The following SASH1 variants were observed in gnomAD, a reference collection of about 807,000 sequenced individuals.
SASH1 encodes the protein SAM and SH3 domain containing 1.
Under a neutral mutation model 125.2 loss-of-function variants are expected in SASH1, and 44 were observed. The observed-to-expected ratio is 0.35, with a 90% CI of 0.28 to 0.45. SASH1 has a LOEUF of 0.45. Among genes scored for constraint, SASH1 ranks in the 20% least tolerant of loss-of-function variants. SASH1 has a pLI of 1.00. For synonymous variants in SASH1, 639 were observed against 649.1 expected, an observed-to-expected ratio of 0.98 and a Z score of 0.24; for missense variants, 1,426 against 1,614.5, an observed-to-expected ratio of 0.88 and a Z score of 2.00.
At chr6:148,279,203 C>T (rs1779270194) in intron 1 of SASH1, among the ~76,000 whole-genome samples, 1 of 152,092 alleles carries the variant, frequency 6.6e-6, no homozygotes, top group Non-Finnish European at 1.5e-5. Context: ...GTTGCCCAGG[C>T]TGGTCTTGAA....
chr6:148,278,133 G>A (rs746757204), intron 1 of SASH1, among the ~76,000 whole-genome samples: 7 of 152,096 alleles, frequency 4.6e-5, no homozygotes, highest in East Asian at 1.9e-4. Context: ...TCTGCCTCCC[G>A]GGTTCAAGCG....
At chr6:148,451,547 T>C (rs1022545) in intron 4 of SASH1, among the ~76,000 whole-genome samples, 115,450 of 151,916 alleles carry the variant, frequency 0.76, 43,987 homozygotes, top group East Asian at 0.84. Flanking sequence ...CCTGTAGTCC[T>C]AGCTACTCGG....
chr6:148,274,847 C>G (rs946132299), intron 1 of SASH1, among the ~76,000 whole-genome samples: 1 of 152,172 alleles, frequency 6.6e-6, no homozygotes, highest in Non-Finnish European at 1.5e-5. Context: ...CAAAGAAAAT[C>G]CAGATCCAAA....
chr6:148,400,452 A>G (rs1221575826), intron 2 of SASH1, among the ~76,000 whole-genome samples: 1 of 152,240 alleles, frequency 6.6e-6, no homozygotes, highest in Non-Finnish European at 1.5e-5. Context: ...CTAACAGTAG[A>G]GAGAACTGAG....
At chr6:148,347,556 G>A (rs917088349) in intron 1 of SASH1, among the ~76,000 whole-genome samples, 2 of 152,182 alleles carry the variant, frequency 1.3e-5, no homozygotes, top group African/African-American at 2.4e-5. Flanking sequence ...TTTAGGCCCA[G>A]TGTGGGGCGG....
chr6:148,229,249 T>G, the SASH1 span, among the ~76,000 whole-genome samples: 1 of 151,682 alleles, frequency 6.6e-6, no homozygotes, highest in South Asian at 2.1e-4. Flanking sequence ...TTCAAGAAAT[T>G]TCTGCCCAAG....
At chr6:148,261,341 T>C in the SASH1 span, among the ~76,000 whole-genome samples, 2 of 152,186 alleles carry the variant, frequency 1.3e-5, no homozygotes, top group African/African-American at 4.8e-5. Flanking sequence ...CTTTCTATCA[T>C]CTGCTGGGTC....
At chr6:148,379,821 C>T (rs1220199397) in intron 1 of SASH1, 1 of 421,080 alleles carries the variant, frequency 2.4e-6, no homozygotes, top group Non-Finnish European at 4.9e-6. Flanking sequence ...TGGGAAATTT[C>T]AGATGTATAC....
chr6:148,365,911 G>T (rs1782430656), intron 1 of SASH1, among the ~76,000 whole-genome samples: 1 of 152,170 alleles, frequency 6.6e-6, no homozygotes, highest in Non-Finnish European at 1.5e-5. Flanking sequence ...TCAGGAGTTT[G>T]AGACCAGCCT....
intron 8 of SASH1, among the ~76,000 whole-genome samples, chr6:148,489,296 T>C (rs1236699943): frequency 6.6e-6 from 1 of 152,202 alleles, no homozygotes; most frequent in Non-Finnish European, 1.5e-5. Flanking sequence ...ATGATGTATT[T>C]CTGGGCTCTC....
the SASH1 span, among the ~76,000 whole-genome samples, chr6:148,259,436 C>G: frequency 6.6e-6 from 1 of 152,162 alleles, no homozygotes; most frequent in East Asian, 1.9e-4. Flanking sequence ...CAAAATGCCC[C>G]CACTCCCCTA....
intron 1 of SASH1, among the ~76,000 whole-genome samples, chr6:148,379,523 T>G (rs577334602): frequency 6.6e-6 from 1 of 152,278 alleles, no homozygotes; most frequent in Non-Finnish European, 1.5e-5. Flanking sequence ...TAGCGGGCAG[T>G]CTGTCAATTC....
chr6:148,280,642 T>A (rs1779312824), intron 1 of SASH1, among the ~76,000 whole-genome samples: 1 of 151,914 alleles, frequency 6.6e-6, no homozygotes. Context: ...ACCCCGTCCC[T>A]ACAAAAAGAA....
intron 15 of SASH1, 82 bp from the exon 16 acceptor site, chr6:148,534,669 T>C (rs1781732263): frequency 7.6e-7 from 1 of 1,323,086 alleles, no homozygotes; most frequent in Admixed American, 1.7e-5. Context: ...GAACAGTGTG[T>C]GGGTTGCAGG....
chr6:148,478,190 A>C (rs981070980), intron 7 of SASH1, among the ~76,000 whole-genome samples: 1 of 152,162 alleles, frequency 6.6e-6, no homozygotes, highest in African/African-American at 2.4e-5. Flanking sequence ...TATCTACCCA[A>C]AAGAAGGGAA....
At chr6:148,314,352 A>C (rs1371872631) in intron 1 of SASH1, among the ~76,000 whole-genome samples, 1 of 152,240 alleles carries the variant, frequency 6.6e-6, no homozygotes, top group East Asian at 1.9e-4. Context: ...AACAAAAAGT[A>C]CTTGATCAAT....
At chr6:148,326,227 C>T (rs1780791793) in intron 1 of SASH1, among the ~76,000 whole-genome samples, 2 of 145,386 alleles carry the variant, frequency 1.4e-5, no homozygotes, top group Non-Finnish European at 3.0e-5. Context: ...GGGGTTTCAC[C>T]ATGCCGACAA....
chr6:148,309,456 C>T (rs1424748685), intron 1 of SASH1, among the ~76,000 whole-genome samples: 1 of 152,124 alleles, frequency 6.6e-6, no homozygotes, highest in Non-Finnish European at 1.5e-5. Context: ...ACTAGTGTGG[C>T]ATATTTCCCA....
the SASH1 span, among the ~76,000 whole-genome samples, chr6:148,258,425 C>T: frequency 4.6e-5 from 7 of 152,176 alleles, no homozygotes; most frequent in South Asian, 1.5e-3. Flanking sequence ...TACAATAAAC[C>T]CCTAAATAGA....
Sources: allele counts gnomAD v4.1 joint callset (sites outside exome capture counted in the v4.1 genomes callset), GRCh38; gene constraint gnomAD v4.1.1; transcripts MANE v1.5; gene names NCBI Gene and HGNC (gene_info 2026-07-23, HGNC 2026-07-21).